The following CCSER1 variants were observed in gnomAD, a reference collection of about 807,000 sequenced individuals.
CCSER1 encodes serine-rich coiled-coil domain-containing protein 1.
CCSER1 carries 41 observed loss-of-function variants against 82.0 expected under a neutral mutation model. The ratio of observed to expected loss-of-function variants is 0.50; its 90% confidence interval spans 0.39 to 0.65. The LOEUF (loss-of-function observed/expected upper bound fraction) is 0.65, where lower values mean the gene tolerates loss of function less well. Ranked by LOEUF, CCSER1 falls within the 30% of genes least tolerant of loss-of-function variation. The pLI, the probability that CCSER1 is intolerant of heterozygous loss-of-function variation, is 0.00. For synonymous variants in CCSER1, 414 were observed against 383.9 expected, an observed-to-expected ratio of 1.08 and a Z score of -0.92; for missense variants, 1,119 against 1,064.2, an observed-to-expected ratio of 1.05 and a Z score of -0.72.
rs144022538 is a variant in CCSER1, at chr4:90,536,896, G to A, written c.1724+68542G>A. Among the ~76,000 whole-genome samples the A allele has an allele frequency of 7.3e-3, 1,118 of 152,174 alleles. 8 individuals carry two copies. Among genetic ancestry groups the A allele is most frequent in the South Asian group, 0.022 (104 of 4,826 alleles). Reference sequence around the variant, plus strand: ...AAAACAGAATTTCCAAAGTCCCTAGGTGTTGAAAACGCTTTTCTTTATCAT... The same window carrying A: ...AAAACAGAATTTCCAAAGTCCCTAGATGTTGAAAACGCTTTTCTTTATCAT... On this transcript the variant is annotated intron_variant, in intron 5 of 10. Transcript: ENST00000509176.
At chr4:90,406,117 C>T (rs1753683486) in intron 4 of CCSER1, among the ~76,000 whole-genome samples, 1 of 152,106 alleles carries the variant, frequency 6.6e-6, no homozygotes, top group Non-Finnish European at 1.5e-5. Context: ...TTTCAGGAAA[C>T]TCACCTAACA....
intron 3 of CCSER1, among the ~76,000 whole-genome samples, chr4:90,373,174 G>GTGCTTGTA (rs961753720): frequency 1.2e-4 from 19 of 152,166 alleles, no homozygotes; most frequent in African/African-American, 4.3e-4. Context: ...GTATGTGTGT[G>GTGCTTGTA]TGCTTGTATG....
intron 8 of CCSER1, among the ~76,000 whole-genome samples, chr4:90,912,793 A>C (rs1429721615): frequency 6.6e-6 from 1 of 152,228 alleles, no homozygotes; most frequent in Non-Finnish European, 1.5e-5. Flanking sequence ...AAGTCCTTAA[A>C]GGACCTGATG....
intron 7 of CCSER1, among the ~76,000 whole-genome samples, chr4:90,773,664 G>A (rs1752528111): frequency 6.6e-6 from 1 of 152,148 alleles, no homozygotes. Flanking sequence ...TTCTGCACTA[G>A]TGGCTTAATG....
At chr4:90,854,988 AGT>A (rs137938428) in intron 8 of CCSER1, among the ~76,000 whole-genome samples, 4 of 151,164 alleles carry the variant, frequency 2.6e-5, no homozygotes, top group African/African-American at 7.3e-5. Flanking sequence ...GGCACGAGAG[AGT>A]GTGTGTGTGT....
chr4:91,483,189 TACTC>T (rs1228619374), intron 10 of CCSER1, among the ~76,000 whole-genome samples: 5 of 152,136 alleles, frequency 3.3e-5, no homozygotes, highest in African/African-American at 1.2e-4. Flanking sequence ...AATAGTGTCA[TACTC>T]TATCTGATAA....
intron 10 of CCSER1, among the ~76,000 whole-genome samples, chr4:91,167,177 T>A (rs1255136113): frequency 2.1e-5 from 3 of 145,532 alleles, no homozygotes; most frequent in African/African-American, 7.6e-5. Flanking sequence ...ATGACAAGAA[T>A]TGCAATACTT....
chr4:90,866,292 G>T (rs891030754), intron 8 of CCSER1, among the ~76,000 whole-genome samples: 1 of 151,940 alleles, frequency 6.6e-6, no homozygotes, highest in Non-Finnish European at 1.5e-5. Context: ...GGAAATATTT[G>T]AGCATGTTAT....
At position 91,120,648 on chromosome 4, in the gene CCSER1, G is replaced by A. The variant is rs138621861; in HGVS notation, c.2217+34654G>A. Among the ~76,000 whole-genome samples the A allele has an allele frequency of 2.2e-3, 333 of 151,948 alleles. 3 individuals carry two copies. Among genetic ancestry groups the A allele is most frequent in the African/African-American group, 3.6e-3 (149 of 41,516 alleles). ...ATGAGAGGAATCTATGTCATGAGGC[G>A]TAAAAATTTGAGGGATTATTCTGGG... On this transcript the variant is annotated intron_variant, in intron 10 of 10. Transcript: ENST00000509176.
intron 10 of CCSER1, among the ~76,000 whole-genome samples, chr4:91,469,516 CT>C (rs1486616966): frequency 1.3e-5 from 2 of 152,122 alleles, no homozygotes; most frequent in Non-Finnish European, 2.9e-5. Flanking sequence ...AGTTTTCCCC[CT>C]GTTATCCTTC....
At chr4:91,448,223 A>G (rs75760409) in intron 10 of CCSER1, among the ~76,000 whole-genome samples, 1 of 152,002 alleles carries the variant, frequency 6.6e-6, no homozygotes, top group Non-Finnish European at 1.5e-5. Context: ...AAATATTTCT[A>G]TTTGACAGAC....
chr4:91,018,458 C>T (rs1739633353), intron 9 of CCSER1, among the ~76,000 whole-genome samples: 1 of 152,078 alleles, frequency 6.6e-6, no homozygotes, highest in South Asian at 2.1e-4. Flanking sequence ...CTTCAAGTTA[C>T]CATAATCCAA....
intron 7 of CCSER1, among the ~76,000 whole-genome samples, chr4:90,763,636 C>T (rs960621205): frequency 1.3e-5 from 2 of 152,034 alleles, no homozygotes; most frequent in Non-Finnish European, 2.9e-5. Flanking sequence ...TGGCTCTGCC[C>T]GTTTATGTCC....
At chr4:91,535,440 A>AG (rs72603831) in intron 10 of CCSER1, among the ~76,000 whole-genome samples, 104,608 of 151,622 alleles carry the variant, frequency 0.69, 36,912 homozygotes, top group African/African-American at 0.84. Flanking sequence ...TGAGGTGAGG[A>AG]GACGGAATAA....
chr4:91,331,380 T>A (rs1313254086), intron 10 of CCSER1, among the ~76,000 whole-genome samples: 2 of 152,070 alleles, frequency 1.3e-5, no homozygotes, highest in African/African-American at 4.8e-5. Flanking sequence ...CTCTTGCTCA[T>A]GTAAGAAACC....
At chr4:90,184,220 A>G (rs1028262178) in intron 1 of CCSER1, among the ~76,000 whole-genome samples, 1 of 152,156 alleles carries the variant, frequency 6.6e-6, no homozygotes, top group African/African-American at 2.4e-5. Flanking sequence ...TAGACAACAC[A>G]ATACTGAGGT....
chr4:91,044,134 A>G (rs1440964470), intron 9 of CCSER1, among the ~76,000 whole-genome samples: 1 of 152,162 alleles, frequency 6.6e-6, no homozygotes, highest in East Asian at 1.9e-4. Flanking sequence ...AAATGAAACT[A>G]TTTGGTTATG....
intron 10 of CCSER1, among the ~76,000 whole-genome samples, chr4:91,362,167 G>A (rs761869625): frequency 4.0e-5 from 6 of 151,800 alleles, no homozygotes; most frequent in Non-Finnish European, 8.8e-5. Flanking sequence ...ATTCTAGACT[G>A]GTGGCCCAGA....
chr4:90,607,643 G>C (rs1327909350), intron 5 of CCSER1, among the ~76,000 whole-genome samples: 1 of 152,100 alleles, frequency 6.6e-6, no homozygotes, highest in African/African-American at 2.4e-5. Flanking sequence ...TGTTCGAATA[G>C]GGGCCCATCG....
Sources: gnomAD v4.1 joint callset for allele counts (sites outside exome capture counted in the v4.1 genomes callset) on GRCh38, gnomAD v4.1.1 for gene constraint, MANE v1.5 for transcripts, NCBI Gene and HGNC (gene_info 2026-07-23, HGNC 2026-07-21) for gene names.